The following GPC5 variants were observed in gnomAD, a reference collection of about 807,000 sequenced individuals.
GPC5 encodes glypican-5.
A neutral mutation model predicts 53.9 loss-of-function variants in GPC5; 47 were observed. That is an observed-to-expected ratio of 0.87 (90% CI 0.69 to 1.11). GPC5 has a LOEUF of 1.11. Among genes scored for constraint, GPC5 ranks in the 50% most tolerant of loss-of-function variants. GPC5 has a pLI of 0.00. For missense variants in GPC5, 748 were observed against 713.1 expected (o/e 1.05, Z -0.56); for synonymous variants, 286 against 263.3 (o/e 1.09, Z -0.84).
intron 7 of GPC5, among the ~76,000 whole-genome samples, chr13:92,758,508 A>T (rs1239939897): frequency 1.3e-5 from 2 of 152,142 alleles, no homozygotes; most frequent in Non-Finnish European, 2.9e-5. Context: ...TCTGTTATAT[A>T]GTATGTGGGA....
intron 6 of GPC5, among the ~76,000 whole-genome samples, chr13:92,003,135 AC>A (rs1407006455): frequency 6.6e-6 from 1 of 151,736 alleles, no homozygotes; most frequent in Non-Finnish European, 1.5e-5. Context: ...ACATGACAAA[AC>A]CCCGTCTCTA....
intron 7 of GPC5, among the ~76,000 whole-genome samples, chr13:92,307,533 A>T (rs1242918697): frequency 6.6e-6 from 1 of 152,262 alleles, no homozygotes; most frequent in African/African-American, 2.4e-5. Context: ...TCATATACTT[A>T]TATTAGCAAT....
chr13:91,925,387 A>G (rs971630649), intron 6 of GPC5, among the ~76,000 whole-genome samples: 5 of 152,172 alleles, frequency 3.3e-5, no homozygotes, highest in African/African-American at 1.2e-4. Flanking sequence ...TACGCTTTCA[A>G]TCTTGCATTA....
chr13:92,737,849 C>A (rs1369215101), intron 7 of GPC5, among the ~76,000 whole-genome samples: 2 of 148,140 alleles, frequency 1.4e-5, no homozygotes, highest in Non-Finnish European at 1.5e-5. Context: ...TCACCACAAC[C>A]TCTACCTCCT....
intron 6 of GPC5, among the ~76,000 whole-genome samples, chr13:92,067,062 CTGTT>C (rs1291466790): frequency 2.6e-5 from 4 of 152,162 alleles, no homozygotes; most frequent in African/African-American, 9.6e-5. Flanking sequence ...AAGAAGAAGA[CTGTT>C]TGTAACCACT....
chr13:92,494,543 CTAAG>C, intron 7 of GPC5, among the ~76,000 whole-genome samples: 1 of 152,170 alleles, frequency 6.6e-6, no homozygotes, highest in East Asian at 1.9e-4. Context: ...TTTTCGTATT[CTAAG>C]TGTTTATTTT....
chr13:91,759,448 GCTAT>G (rs1311366942), intron 5 of GPC5, among the ~76,000 whole-genome samples: 3 of 151,828 alleles, frequency 2.0e-5, no homozygotes, highest in South Asian at 4.2e-4. Context: ...ATCCTGTTGT[GCTAT>G]CTAATACTAG....
chr13:91,574,150 C>T (rs2032047665), intron 2 of GPC5, among the ~76,000 whole-genome samples: 1 of 152,098 alleles, frequency 6.6e-6, no homozygotes, highest in African/African-American at 2.4e-5. Context: ...GTTAGAGCTA[C>T]ATTCTGATTT....
intron 7 of GPC5, among the ~76,000 whole-genome samples, chr13:92,452,405 G>A (rs757257678): frequency 3.9e-5 from 6 of 152,064 alleles, no homozygotes; most frequent in South Asian, 2.1e-4. Context: ...CTTAGAAGGA[G>A]TAGAATAAAA....
At chr13:91,497,867 G>C (rs1019685477) in intron 2 of GPC5, among the ~76,000 whole-genome samples, 3 of 152,132 alleles carry the variant, frequency 2.0e-5, no homozygotes, top group Non-Finnish European at 2.9e-5. Flanking sequence ...TTTTGATACA[G>C]GCATGCAAGG....
At chr13:91,633,127 G>T (rs2034200770) in intron 2 of GPC5, among the ~76,000 whole-genome samples, 1 of 152,118 alleles carries the variant, frequency 6.6e-6, no homozygotes, top group Admixed American at 6.6e-5. Flanking sequence ...TTCTAAATTT[G>T]TAGGAAAACA....
chr13:92,371,369 T>A (rs1043363987), intron 7 of GPC5, among the ~76,000 whole-genome samples: 1 of 152,188 alleles, frequency 6.6e-6, no homozygotes, highest in Non-Finnish European at 1.5e-5. Context: ...TATGGTGATA[T>A]CTTAGAATGA....
chr13:92,649,604 T>G (rs1270271219), intron 7 of GPC5, among the ~76,000 whole-genome samples: 1 of 152,106 alleles, frequency 6.6e-6, no homozygotes, highest in Non-Finnish European at 1.5e-5. Context: ...GATAACAAAA[T>G]GTCTTTGAAA....
chr13:91,929,689 C>T (rs576795787), intron 6 of GPC5, among the ~76,000 whole-genome samples: 1 of 152,228 alleles, frequency 6.6e-6, no homozygotes, highest in East Asian at 1.9e-4. Flanking sequence ...TGCCTAGAAG[C>T]TGTAACCACA....
chr13:92,021,985 GTTAT>G (rs969020426), intron 6 of GPC5, among the ~76,000 whole-genome samples: 1 of 151,768 alleles, frequency 6.6e-6, no homozygotes, highest in Non-Finnish European at 1.5e-5. Context: ...CTTGTTTTTT[GTTAT>G]TTATTTTATT....
intron 7 of GPC5, among the ~76,000 whole-genome samples, chr13:92,739,801 C>A (rs1288848361): frequency 6.6e-6 from 1 of 151,788 alleles, no homozygotes; most frequent in Non-Finnish European, 1.5e-5. Context: ...ATCCAACATT[C>A]CTCTTTAGTT....
At chr13:92,056,276 CCTTCT>C (rs1424286474) in intron 6 of GPC5, among the ~76,000 whole-genome samples, 7 of 152,106 alleles carry the variant, frequency 4.6e-5, no homozygotes, top group Non-Finnish European at 1.0e-4. Context: ...CATCTCAACC[CCTTCT>C]CTTTTATACT....
chr13:92,610,708 T>A (rs1884405345), intron 7 of GPC5, among the ~76,000 whole-genome samples: 1 of 152,078 alleles, frequency 6.6e-6, no homozygotes, highest in South Asian at 2.1e-4. Flanking sequence ...CCTCAAGAAA[T>A]TTAACAATCT....
intron 5 of GPC5, among the ~76,000 whole-genome samples, chr13:91,825,679 G>A (rs2038565627): frequency 6.6e-6 from 1 of 152,078 alleles, no homozygotes; most frequent in African/African-American, 2.4e-5. Context: ...TGTTCATGTG[G>A]CTTTTTGTCA....
Sources: allele counts gnomAD v4.1 joint callset (sites outside exome capture counted in the v4.1 genomes callset), GRCh38; gene constraint gnomAD v4.1.1; transcripts MANE v1.5; gene names NCBI Gene and HGNC (gene_info 2026-07-23, HGNC 2026-07-21).